The following SAMMSON variants were observed in gnomAD, a reference collection of about 807,000 sequenced individuals.
The protein encoded by SAMMSON is survival associated mitochondrial melanoma specific oncogenic non-coding RNA, also known as long intergenic non-protein coding RNA 1212.
intron 6 of SAMMSON, among the ~76,000 whole-genome samples, chr3:70,280,138 G>A (rs1429256743): frequency 6.6e-6 from 1 of 152,088 alleles, no homozygotes; most frequent in Non-Finnish European, 1.5e-5. Context: ...GGGGCTGCCT[G>A]CATTTCCTGA....
intron 2 of SAMMSON, among the ~76,000 whole-genome samples, chr3:70,417,408 C>G (rs973664456): frequency 3.9e-5 from 6 of 152,272 alleles, no homozygotes; most frequent in African/African-American, 1.4e-4. Flanking sequence ...GCTATCTTAT[C>G]CAACTTTCTC....
intron 1 of SAMMSON, among the ~76,000 whole-genome samples, chr3:70,004,172 C>T (rs547285840): frequency 2.0e-5 from 3 of 152,248 alleles, no homozygotes; most frequent in Non-Finnish European, 2.9e-5. Flanking sequence ...TGTCTAAGAG[C>T]TGCCTATGGC....
downstream of SAMMSON, among the ~76,000 whole-genome samples, chr3:70,391,870 A>G (rs1701051678): frequency 6.6e-6 from 1 of 152,192 alleles, no homozygotes; most frequent in African/African-American, 2.4e-5. Flanking sequence ...TTTGTATAAA[A>G]TAAAGATGTC....
intron 7 of SAMMSON, among the ~76,000 whole-genome samples, chr3:70,323,161 C>T (rs948550552): frequency 1.3e-5 from 2 of 152,090 alleles, no homozygotes; most frequent in African/African-American, 4.8e-5. Flanking sequence ...CTAAAATGCA[C>T]AGGACGTAAG....
intron 4 of SAMMSON, among the ~76,000 whole-genome samples, chr3:70,152,193 A>G (rs757291641): frequency 6.6e-6 from 1 of 151,988 alleles, no homozygotes; most frequent in Non-Finnish European, 1.5e-5. Context: ...CTCTATTGAA[A>G]TTGAACACTT....
intron 2 of SAMMSON, among the ~76,000 whole-genome samples, chr3:70,409,130 A>G (rs1302651215): frequency 6.6e-6 from 1 of 152,214 alleles, no homozygotes; most frequent in Non-Finnish European, 1.5e-5. Context: ...TTATAGGAGT[A>G]CAACTCAAGA....
intron 9 of SAMMSON, among the ~76,000 whole-genome samples, chr3:70,375,504 A>G (rs9839358): frequency 0.016 from 2,390 of 150,744 alleles, 56 homozygotes; most frequent in African/African-American, 0.042. Flanking sequence ...CTATTTGCAG[A>G]TTTGTGATGG....
At chr3:70,204,992 C>A (rs1490472623) in intron 4 of SAMMSON, 1 of 152,142 alleles carries the variant, frequency 6.6e-6, no homozygotes, top group African/African-American at 2.4e-5. Context: ...TACCTGTTTT[C>A]TTGACTGGCA....
rs539108551 is a variant in SAMMSON at position 70,334,928 on chromosome 3, T to C, written n.740-19247T>C. Among the ~76,000 whole-genome samples the C allele has an allele frequency of 9.2e-5, 14 of 152,224 alleles. No homozygotes were observed. The South Asian group carries it at 2.7e-3, about 29-fold the overall frequency. ...ATTTGGCACTTAATTTTATCCTTCC[T>C]TGTGACTTTTTTATTTCTGGATACC... On this transcript the variant is annotated intron_variant and non_coding_transcript_variant, in intron 7 of 9. Coordinates refer to ENST00000642114, the Ensembl canonical transcript of SAMMSON.
chr3:70,241,060 T>C (rs1329053026), intron 4 of SAMMSON, among the ~76,000 whole-genome samples: 1 of 152,162 alleles, frequency 6.6e-6, no homozygotes, highest in East Asian at 1.9e-4. Flanking sequence ...ACAGTGTTTT[T>C]AGCCTGTGAT....
chr3:70,035,606 C>T (rs758186135), intron 3 of SAMMSON, among the ~76,000 whole-genome samples: 1 of 152,170 alleles, frequency 6.6e-6, no homozygotes, highest in African/African-American at 2.4e-5. Flanking sequence ...ACTGACTAGA[C>T]CATCACAGCC....
intron 6 of SAMMSON, among the ~76,000 whole-genome samples, chr3:70,274,648 G>C (rs1702004642): frequency 6.6e-6 from 1 of 152,024 alleles, no homozygotes. Flanking sequence ...CGGTGGGGAG[G>C]GAGAGCTTAA....
chr3:70,420,818 G>A (rs908587939), intron 2 of SAMMSON, among the ~76,000 whole-genome samples: 8 of 152,282 alleles, frequency 5.3e-5, no homozygotes, highest in African/African-American at 1.9e-4. Context: ...ACAAGATTAA[G>A]TGTAGGTGTA....
chr3:70,220,899 G>T (rs1205607753), intron 4 of SAMMSON, among the ~76,000 whole-genome samples: 2 of 152,116 alleles, frequency 1.3e-5, no homozygotes, highest in Non-Finnish European at 2.9e-5. Context: ...CCATGCCTTG[G>T]CATTCCTGAG....
chr3:70,248,027 G>A (rs1701724980), intron 4 of SAMMSON, among the ~76,000 whole-genome samples: 1 of 152,004 alleles, frequency 6.6e-6, no homozygotes, highest in Non-Finnish European at 1.5e-5. Context: ...CATCTTTGTA[G>A]TATTTGAAGG....
chr3:70,422,426 C>G (rs561964810), intron 2 of SAMMSON, among the ~76,000 whole-genome samples: 1 of 151,844 alleles, frequency 6.6e-6, no homozygotes, highest in African/African-American at 2.4e-5. Context: ...TATTACTTGT[C>G]TCTGATTTAA....
chr3:70,351,760 G>T (rs905586617), intron 7 of SAMMSON, among the ~76,000 whole-genome samples: 1 of 151,908 alleles, frequency 6.6e-6, no homozygotes, highest in African/African-American at 2.4e-5. Context: ...CAAGAACGAG[G>T]CACCCTAGCA....
At chr3:70,332,457 G>A (rs1221025611) in intron 7 of SAMMSON, among the ~76,000 whole-genome samples, 5 of 152,136 alleles carry the variant, frequency 3.3e-5, no homozygotes, top group Non-Finnish European at 5.9e-5. Flanking sequence ...TCTTGTGGAT[G>A]TCCAAGTGTC....
chr3:70,218,860 G>A (rs1011335354), intron 4 of SAMMSON, among the ~76,000 whole-genome samples: 5 of 152,064 alleles, frequency 3.3e-5, no homozygotes, highest in African/African-American at 4.8e-5. Context: ...AAAATATTCA[G>A]CATTCAAGCA....
Sources: gnomAD v4.1 joint callset for allele counts (sites outside exome capture counted in the v4.1 genomes callset) on GRCh38, gnomAD v4.1.1 for gene constraint, MANE v1.5 for transcripts, NCBI Gene and HGNC (gene_info 2026-07-23, HGNC 2026-07-21) for gene names.